BCL7B: variants seen among roughly 807,000 people sequenced by gnomAD.
BCL7B encodes BAF chromatin remodeling complex subunit BCL7B, also known as B-cell CLL/lymphoma 7 protein family member B.
In BCL7B, 11 loss-of-function variants were observed where a neutral mutation model predicts 26.5. The ratio of observed to expected loss-of-function variants is 0.42; its 90% CI spans 0.26 to 0.69. BCL7B has a LOEUF of 0.69. Ranked by LOEUF, BCL7B falls within the 30% of genes least tolerant of loss-of-function variation. The probability of loss-of-function intolerance (pLI) is 0.28; values close to 1 mark genes in which losing one functional copy is unlikely to be tolerated. For synonymous variants in BCL7B, 111 were observed against 107.9 expected, an observed-to-expected ratio of 1.03 and a Z score of -0.18; for missense variants, 215 against 264.4, an observed-to-expected ratio of 0.81 and a Z score of 1.30.
At chr7:73,539,503 C>T (rs1583985472) in intron 4 of BCL7B, among the ~76,000 whole-genome samples, 1 of 152,114 alleles carries the variant, frequency 6.6e-6, no homozygotes, top group East Asian at 1.9e-4. Context: ...CCGCTCACCT[C>T]GACCTCCCAA....
At chr7:73,543,963 C>A in intron 2 of BCL7B, 1 of 194,996 alleles carries the variant, frequency 5.1e-6, no homozygotes, top group Non-Finnish European at 1.1e-5. Context: ...CTTCTCTATA[C>A]GAATGGGCAA....
At chr7:73,541,426 G>A (rs1375330460) in intron 3 of BCL7B, among the ~76,000 whole-genome samples, 3 of 149,618 alleles carry the variant, frequency 2.0e-5, no homozygotes, top group African/African-American at 2.5e-5. Flanking sequence ...ACCCTTCGAC[G>A]CTCCACTGCT....
chr7:73,538,103 G>A (rs1057026493), intron 4 of BCL7B, 90 bp from the exon 5 acceptor site: 1 of 720,812 alleles, frequency 1.4e-6, no homozygotes, highest in South Asian at 2.1e-5. Flanking sequence ...GAGGTGGCTT[G>A]GTGAGGAGGG....
Position 73,557,640 on chromosome 7 carries a change from T to G in BCL7B, c.-62A>C. On this transcript the variant is annotated 5_prime_UTR_variant, in exon 1 of 6. Coordinates refer to ENST00000223368, the MANE Select transcript of BCL7B (RefSeq NM_001707.4). Reference sequence around the variant, plus strand: ...CCCAAGACACCGGGGATCGCGCGCCTCACGCGCCGCCGCCCGCCCGCCGCC... The same window carrying G: ...CCCAAGACACCGGGGATCGCGCGCCGCACGCGCCGCCGCCCGCCCGCCGCC... The G allele has an allele frequency of 9.8e-7, 1 of 1,015,484 alleles. No homozygotes were observed. The highest frequency in any genetic ancestry group is 1.2e-6 in the Non-Finnish European group (1 of 814,822). 62.9% of individuals were successfully genotyped at this position (1,015,484 alleles called of 1,614,324 possible).
intron 2 of BCL7B, among the ~76,000 whole-genome samples, chr7:73,548,925 C>T (rs1289507051): frequency 6.6e-6 from 1 of 151,742 alleles, no homozygotes; most frequent in Non-Finnish European, 1.5e-5. Context: ...AGCGAAATTC[C>T]GTCTCAAAAA....
intron 2 of BCL7B, among the ~76,000 whole-genome samples, chr7:73,549,282 G>A (rs114212580): frequency 0.012 from 1,884 of 152,240 alleles, 38 homozygotes; most frequent in African/African-American, 0.043. Context: ...GAAAGGAATG[G>A]GTAACTCCAA....
chr7:73,537,589 T>TA (rs1437623648), intron 5 of BCL7B, among the ~76,000 whole-genome samples, 199 bp from the exon 6 acceptor site: 1 of 152,122 alleles, frequency 6.6e-6, no homozygotes, highest in African/African-American at 2.4e-5. Context: ...TTTTTTGACT[T>TA]AGAAACTGGG....
At chr7:73,544,953 G>C (rs1214500144) in intron 2 of BCL7B, among the ~76,000 whole-genome samples, 1 of 151,984 alleles carries the variant, frequency 6.6e-6, no homozygotes, top group Non-Finnish European at 1.5e-5. Flanking sequence ...CAGCTACTGA[G>C]AAGGCTGAGG....
At chr7:73,538,496 A>G (rs1554582417) in intron 4 of BCL7B, among the ~76,000 whole-genome samples, 2 of 152,128 alleles carry the variant, frequency 1.3e-5, no homozygotes, top group Non-Finnish European at 2.9e-5. Context: ...AGGGCCTAAG[A>G]CACATCTATA....
At chr7:73,553,752 T>C (rs1419119779) in intron 1 of BCL7B, 1 of 154,440 alleles carries the variant, frequency 6.5e-6, no homozygotes, top group Non-Finnish European at 1.5e-5. Flanking sequence ...AGAAATCCTG[T>C]CTCTTGCTGT....
At chr7:73,550,783 G>A (rs895498686) in intron 2 of BCL7B, among the ~76,000 whole-genome samples, 25 of 151,290 alleles carry the variant, frequency 1.7e-4, no homozygotes, top group Non-Finnish European at 2.8e-4. Flanking sequence ...TCAGCCTCCC[G>A]AGTAGCTGGG....
Position 73,538,834 on chromosome 7 carries a change from A to G in BCL7B, c.437-821T>C, listed in dbSNP as rs200000867. Among the ~76,000 whole-genome samples the G allele has an allele frequency of 8.2e-3, 1,237 of 150,834 alleles. 13 individuals carry two copies. Among genetic ancestry groups the G allele is most frequent in the African/African-American group, 0.026 (1,067 of 40,644 alleles). On this transcript the variant is annotated intron_variant, in intron 4 of 5. Coordinates refer to ENST00000223368, the MANE Select transcript of BCL7B (RefSeq NM_001707.4). ...TCTCTTTAAAAAAAAAAAAAAAAAA[A>G]AAAAGAAAAGAAAAAAATTTAGCAT...
chr7:73,537,159 C>A lies in BCL7B; in HGVS notation c.*139G>T. The A allele has an allele frequency of 1.4e-6, 1 of 727,442 alleles. No individual in the cohort carries two copies. Among genetic ancestry groups the A allele is most frequent in the Admixed American group, 2.4e-5 (1 of 42,102 alleles). 45.1% of individuals were successfully genotyped at this position (727,442 alleles called of 1,614,324 possible). A position where few individuals can be genotyped will look rare whatever the true frequency, so the allele number is the denominator to read the frequency against. On this transcript the variant is annotated 3_prime_UTR_variant, in exon 6 of 6. Transcript: ENST00000223368. Reference sequence around the variant, plus strand: ...GATGATGCTACAGCCCCAAGTCCTACGCCAGCCTTCCAGCCCGGAAGGCTC... The same window carrying A: ...GATGATGCTACAGCCCCAAGTCCTAAGCCAGCCTTCCAGCCCGGAAGGCTC...
chr7:73,552,265 A>G (rs782113046), intron 1 of BCL7B, 23 bp from the exon 2 acceptor site: 1 of 1,577,498 alleles, frequency 6.3e-7, no homozygotes. Flanking sequence ...CACTTCTTAG[A>G]ACGGATAAAA....
chr7:73,540,823 C>CT (rs1791735236), intron 3 of BCL7B, among the ~76,000 whole-genome samples: 1 of 77,318 alleles, frequency 1.3e-5, no homozygotes, highest in Admixed American at 2.2e-4. Context: ...GAGCGAGACT[C>CT]TGTCTCAAAA....
At position 73,537,164 on chromosome 7, in the gene BCL7B, G is replaced by C; in HGVS notation, c.*134C>G. The stretch of plus-strand genomic sequence containing the variant: ...TGCTACAGCCCCAAGTCCTACGCCA[G>C]CCTTCCAGCCCGGAAGGCTCATGTG... On this transcript the variant is annotated 3_prime_UTR_variant, in exon 6 of 6. Coordinates refer to ENST00000223368, the MANE Select transcript of BCL7B (RefSeq NM_001707.4). 1.3e-6 allele frequency: 1 copy of C among 764,878 alleles called. No individual in the cohort carries two copies. The allele number at this position is 764,878 out of a possible 1,614,324, so 47.4% of individuals were successfully genotyped here. A position where few individuals can be genotyped will look rare whatever the true frequency, so the allele number is the denominator to read the frequency against.
At chr7:73,539,094 G>C (rs1554582509) in intron 4 of BCL7B, among the ~76,000 whole-genome samples, 2 of 152,104 alleles carry the variant, frequency 1.3e-5, no homozygotes, top group African/African-American at 4.8e-5. Flanking sequence ...CGAGTAGCTG[G>C]GATTACAGGC....
At chr7:73,546,984 A>C (rs1458419243) in intron 2 of BCL7B, among the ~76,000 whole-genome samples, 1 of 151,024 alleles carries the variant, frequency 6.6e-6, no homozygotes, top group Admixed American at 6.6e-5. Flanking sequence ...GACAACACGG[A>C]GAAACCCCAT....
At chr7:73,554,017 G>C (rs952769583) in intron 1 of BCL7B, among the ~76,000 whole-genome samples, 8 of 150,998 alleles carry the variant, frequency 5.3e-5, no homozygotes, top group African/African-American at 1.5e-4. Flanking sequence ...ACCCAGGCTG[G>C]AGTGCAGTGG....
Sources: allele counts gnomAD v4.1 joint callset (sites outside exome capture counted in the v4.1 genomes callset), GRCh38; gene constraint gnomAD v4.1.1; transcripts MANE v1.5; gene names NCBI Gene and HGNC (gene_info 2026-07-23, HGNC 2026-07-21).